Variants in ERC2 observed in about 807,000 individuals in gnomAD.
ERC2 encodes ERC protein 2.
ERC2 carries 42 observed loss-of-function variants against 114.8 expected under a neutral mutation model. The ratio of observed to expected loss-of-function variants is 0.37; its 90% CI spans 0.29 to 0.47. ERC2 has a LOEUF of 0.47. Ranked by LOEUF, ERC2 falls within the 20% of genes least tolerant of loss-of-function variation. ERC2 has a pLI of 0.99. For missense variants in ERC2, 939 were observed against 1,150.7 expected (o/e 0.82, Z 2.66); for synonymous variants, 454 against 425.5 (o/e 1.07, Z -0.82).
intron 15 of ERC2, among the ~76,000 whole-genome samples, chr3:55,710,683 TA>T (rs2148855284): frequency 6.6e-6 from 1 of 152,324 alleles, no homozygotes; most frequent in African/African-American, 2.4e-5. Flanking sequence ...CTAAAGTACA[TA>T]ACTGATGTTT....
chr3:56,434,510 T>C lies in ERC2; in HGVS notation c.498A>G (p.Lys166=), dbSNP rs1380562433. The C allele has an allele frequency of 1.9e-6, 3 of 1,613,906 alleles. No individual in the cohort carries two copies. Among genetic ancestry groups the C allele is most frequent in the Non-Finnish European group, 2.5e-6 (3 of 1,179,904 alleles). ...ATTTGCTGTCCTTGATGTCTAGCTC[T>C]TTCCGGAGGAGGTCATTCTCTCTCT... The part of the protein sequence containing the change: ...ELQRENDLLR[K]ELDIKDSKLG... Residue 166 remains lysine, a synonymous_variant, in exon 2 of 18, where the codon AAA becomes AAG. Coordinates refer to ENST00000288221, the MANE Select transcript of ERC2 (RefSeq NM_015576.3).
intron 12 of ERC2, among the ~76,000 whole-genome samples, chr3:55,956,021 A>T (rs553545639): frequency 6.6e-6 from 1 of 152,360 alleles, no homozygotes; most frequent in Admixed American, 6.5e-5. Flanking sequence ...TAGTACTGGT[A>T]AAATGTTTAG....
chr3:55,766,145 T>C (rs2067768017), intron 14 of ERC2, among the ~76,000 whole-genome samples: 1 of 151,916 alleles, frequency 6.6e-6, no homozygotes. Context: ...ACAGAAGCAC[T>C]AAATGCCAGC....
chr3:55,519,503 C>T (rs1452384350), intron 17 of ERC2, among the ~76,000 whole-genome samples: 1 of 152,214 alleles, frequency 6.6e-6, no homozygotes, highest in Non-Finnish European at 1.5e-5. Context: ...TTACTACTTT[C>T]TTCTTCCCTT....
At chr3:55,520,491 A>G (rs1262474967) in intron 17 of ERC2, among the ~76,000 whole-genome samples, 3 of 152,130 alleles carry the variant, frequency 2.0e-5, no homozygotes, top group African/African-American at 7.2e-5. Flanking sequence ...AGAAGCAACA[A>G]GAACACATGA....
In ERC2 at chr3:55,937,649, A is replaced by G. The variant is rs369148944; in HGVS notation, c.2403+12776T>C. Among the ~76,000 whole-genome samples the G allele has an allele frequency of 1.1e-4, 17 of 152,348 alleles. No individual in the cohort carries two copies. In the South Asian group the frequency reaches 3.5e-3, roughly 32 times the overall value. ...AGTTCAGGTGACATTGTTCCATGAA[A>G]TACAAGAGTAAAAAAAAGCACATGT... On this transcript the variant is annotated intron_variant, in intron 13 of 17. Transcript: ENST00000288221.
intron 1 of ERC2, among the ~76,000 whole-genome samples, chr3:56,461,555 G>A (rs2063319911): frequency 1.3e-5 from 2 of 152,168 alleles, no homozygotes; most frequent in South Asian, 4.1e-4. Flanking sequence ...TGGAAGGAAA[G>A]AAAAAGTGGC....
At chr3:55,736,837 A>C (rs1394036108) in intron 14 of ERC2, among the ~76,000 whole-genome samples, 1 of 152,214 alleles carries the variant, frequency 6.6e-6, no homozygotes, top group Non-Finnish European at 1.5e-5. Flanking sequence ...GTATAATTTT[A>C]TGACCACATC....
chr3:56,224,299 G>A (rs1452220), intron 3 of ERC2, among the ~76,000 whole-genome samples: 35,575 of 152,090 alleles, frequency 0.23, 4,920 homozygotes, highest in Non-Finnish European at 0.3. Flanking sequence ...TAGTGTTTAC[G>A]TTAAAGGATG....
chr3:55,808,337 A>C (rs2059570060), intron 14 of ERC2, among the ~76,000 whole-genome samples: 1 of 152,144 alleles, frequency 6.6e-6, no homozygotes, highest in African/African-American at 2.4e-5. Flanking sequence ...TTTGTTGGGA[A>C]AGTAGGAATG....
At chr3:55,637,293 C>T (rs932733804) in intron 17 of ERC2, among the ~76,000 whole-genome samples, 1 of 152,206 alleles carries the variant, frequency 6.6e-6, no homozygotes, top group Admixed American at 6.5e-5. Flanking sequence ...TTCTCCCTTT[C>T]ACCTGGAGAG....
At chr3:56,427,660 A>T (rs151321182) in intron 2 of ERC2, among the ~76,000 whole-genome samples, 39 of 152,270 alleles carry the variant, frequency 2.6e-4, no homozygotes. Context: ...ATGCAGACAC[A>T]GCCACCCACA....
chr3:55,536,950 C>T (rs1389223925), intron 17 of ERC2, among the ~76,000 whole-genome samples: 2 of 152,236 alleles, frequency 1.3e-5, no homozygotes, highest in African/African-American at 2.4e-5. Flanking sequence ...TGACCTGAGA[C>T]ATCAGTCACA....
At chr3:55,665,841 A>G (rs964003502) in intron 17 of ERC2, among the ~76,000 whole-genome samples, 1 of 152,162 alleles carries the variant, frequency 6.6e-6, no homozygotes, top group African/African-American at 2.4e-5. Context: ...GCTTCCATAC[A>G]TGGACTCTGC....
At chr3:56,454,027 G>A (rs963711985) in intron 1 of ERC2, among the ~76,000 whole-genome samples, 5 of 152,124 alleles carry the variant, frequency 3.3e-5, no homozygotes, top group Admixed American at 2.0e-4. Context: ...TCCTGCTATC[G>A]TGATTCCATC....
chr3:56,160,736 G>C (rs1470962291), intron 4 of ERC2, among the ~76,000 whole-genome samples: 1 of 152,144 alleles, frequency 6.6e-6, no homozygotes, highest in Non-Finnish European at 1.5e-5. Context: ...TAAATAGGAA[G>C]TTGTTTCCCC....
chr3:56,096,471 T>C (rs145555923), intron 6 of ERC2, among the ~76,000 whole-genome samples: 1 of 152,202 alleles, frequency 6.6e-6, no homozygotes, highest in African/African-American at 2.4e-5. Context: ...CTGAACAGCA[T>C]AAATAGCAAC....
Position 55,906,324 on chromosome 3 carries a change from C to T in ERC2, c.2404-17775G>A, listed in dbSNP as rs540206122. Among the ~76,000 whole-genome samples the T allele has an allele frequency of 6.0e-5, 9 of 150,330 alleles. No homozygotes were observed. In the South Asian group the frequency reaches 6.4e-4, roughly 11 times the overall value. ...GCAGGCGCCTGTAGTCCCAGCTACT[C>T]GGGCGGCTGAGGCAGGAGAATGGCG... On this transcript the variant is annotated intron_variant, in intron 13 of 17. Coordinates refer to ENST00000288221, the MANE Select transcript of ERC2 (RefSeq NM_015576.3).
At chr3:55,891,254 G>A (rs370305706) in intron 13 of ERC2, among the ~76,000 whole-genome samples, 40 of 152,116 alleles carry the variant, frequency 2.6e-4, no homozygotes, top group South Asian at 1.0e-3. Context: ...CCTGGTGACC[G>A]TGGAAGCAAG....
Sources: allele counts gnomAD v4.1 joint callset (sites outside exome capture counted in the v4.1 genomes callset), GRCh38; gene constraint gnomAD v4.1.1; transcripts MANE v1.5; gene names NCBI Gene and HGNC (gene_info 2026-07-23, HGNC 2026-07-21).